PRKD1: variants seen among roughly 807,000 people sequenced by gnomAD.
PRKD1 encodes protein kinase D1, also known as serine/threonine-protein kinase D1.
In PRKD1, 63 loss-of-function variants were observed where a neutral mutation model predicts 95.9. The observed-to-expected ratio is 0.66, with a 90% confidence interval of 0.54 to 0.81. PRKD1 has a LOEUF of 0.81. PRKD1 is among the 30% of genes least tolerant of loss of function. The probability of loss-of-function intolerance (pLI) is 0.00; values close to 1 mark genes in which losing one functional copy is unlikely to be tolerated. For synonymous variants in PRKD1, 425 were observed against 423.1 expected (o/e 1.00, Z -0.05); for missense variants, 1,048 against 1,165.3 (o/e 0.90, Z 1.47).
chr14:29,745,275 CTG>C (rs1410557415), intron 1 of PRKD1, among the ~76,000 whole-genome samples: 2 of 152,152 alleles, frequency 1.3e-5, no homozygotes, highest in Non-Finnish European at 2.9e-5. Flanking sequence ...AAAAAGAATT[CTG>C]TCTCTTAACT....
At chr14:29,895,283 C>T (rs531052609) in intron 1 of PRKD1, among the ~76,000 whole-genome samples, 1 of 152,154 alleles carries the variant, frequency 6.6e-6, no homozygotes, top group Admixed American at 6.5e-5. Flanking sequence ...TGCCACTGCA[C>T]CCCAGCCTGG....
chr14:29,791,447 CACCTCTCATATTCCTCCGT>C (rs1490414739), intron 1 of PRKD1, among the ~76,000 whole-genome samples: 1 of 152,122 alleles, frequency 6.6e-6, no homozygotes, highest in African/African-American at 2.4e-5. Flanking sequence ...ACAAATGCAT[CACCTCTCATATTCCTCCGT>C]ACTCTCTCCC....
chr14:29,770,810 T>C (rs1594502003), intron 1 of PRKD1, among the ~76,000 whole-genome samples: 1 of 148,654 alleles, frequency 6.7e-6, no homozygotes, highest in Non-Finnish European at 1.5e-5. Context: ...CTACAAAATA[T>C]AACAACAACA....
intron 13 of PRKD1, among the ~76,000 whole-genome samples, chr14:29,623,740 T>C (rs1285702035): frequency 6.6e-6 from 1 of 152,172 alleles, no homozygotes; most frequent in Non-Finnish European, 1.5e-5. Flanking sequence ...ATCAACATGA[T>C]CTGCTTCTCA....
rs960269052 is a variant in PRKD1, at chr14:29,577,472, C to G, written c.2521-16G>C. 1 of 1,599,864 alleles carries G rather than the reference C, an allele frequency of 6.3e-7. No homozygotes were observed. Among genetic ancestry groups the G allele is most frequent in the African/African-American group, 1.3e-5 (1 of 74,630 alleles). ...TCTGATAGTCCTGAAGAAGAAATTC[C>G]AAAATATTACCATAGAGATCATTAC... On this transcript the variant is annotated splice_polypyrimidine_tract_variant and intron_variant, in intron 17 of 17. Transcript: ENST00000331968.
chr14:29,854,151 T>C (rs1487653245), intron 1 of PRKD1, among the ~76,000 whole-genome samples: 2 of 152,192 alleles, frequency 1.3e-5, no homozygotes, highest in African/African-American at 4.8e-5. Context: ...GCTGAAAAGA[T>C]ACCCAAAAAT....
At chr14:29,736,015 A>G (rs1468800171) in intron 1 of PRKD1, among the ~76,000 whole-genome samples, 3 of 152,192 alleles carry the variant, frequency 2.0e-5, no homozygotes, top group Admixed American at 6.5e-5. Context: ...CATAAAGGTA[A>G]TCTGCAATAT....
intron 1 of PRKD1, among the ~76,000 whole-genome samples, chr14:29,731,889 T>C (rs1407209042): frequency 6.6e-6 from 1 of 151,890 alleles, no homozygotes; most frequent in African/African-American, 2.4e-5. Context: ...TTTTTTTTTT[T>C]TTGAGACCGA....
chr14:29,733,689 G>A (rs1230307541), intron 1 of PRKD1, among the ~76,000 whole-genome samples: 3 of 152,056 alleles, frequency 2.0e-5, no homozygotes, highest in African/African-American at 7.2e-5. Context: ...TCACTATCAT[G>A]AGAATAGCAT....
chr14:29,598,524 C>T (rs1198959440), intron 15 of PRKD1, among the ~76,000 whole-genome samples: 1 of 152,034 alleles, frequency 6.6e-6, no homozygotes, highest in Non-Finnish European at 1.5e-5. Context: ...ATGTCATCCA[C>T]AATAATCCTC....
Position 29,639,686 on chromosome 14 carries a change from A to T in PRKD1, c.697-782T>A, listed in dbSNP as rs192981968. Among the ~76,000 whole-genome samples, 7 of 152,094 alleles carry T rather than the reference A, an allele frequency of 4.6e-5. No homozygotes were observed. The East Asian group carries it at 1.3e-3, about 29-fold the overall frequency. On this transcript the variant is annotated intron_variant, in intron 4 of 17. Coordinates refer to ENST00000331968, the MANE Select transcript of PRKD1 (RefSeq NM_002742.3). ...AAAGAAAGAAAGAAAAAAATGCCTT[A>T]CAGTTCCTTTGGATTACCTAAAGAA...
At chr14:29,610,366 A>T (rs1222356997) in intron 13 of PRKD1, among the ~76,000 whole-genome samples, 1 of 152,214 alleles carries the variant, frequency 6.6e-6, no homozygotes, top group East Asian at 1.9e-4. Context: ...AAACCTTAAC[A>T]GACCCCCTTA....
intron 1 of PRKD1, among the ~76,000 whole-genome samples, chr14:29,919,550 T>C (rs537560175): frequency 2.0e-5 from 3 of 152,312 alleles, no homozygotes; most frequent in South Asian, 4.1e-4. Context: ...AAATATTTGG[T>C]TGACAGTATT....
At chr14:29,720,875 C>A (rs1461290023) in intron 2 of PRKD1, among the ~76,000 whole-genome samples, 1 of 152,104 alleles carries the variant, frequency 6.6e-6, no homozygotes, top group Admixed American at 6.6e-5. Context: ...ATACTACCTT[C>A]CTGAGAAATT....
intron 1 of PRKD1, among the ~76,000 whole-genome samples, chr14:29,866,506 G>A (rs1892912704): frequency 6.6e-6 from 1 of 152,124 alleles, no homozygotes; most frequent in Admixed American, 6.6e-5. Flanking sequence ...ACACACTCAA[G>A]GTGTTTAAGT....
chr14:29,860,832 GATA>G (rs1372760258), intron 1 of PRKD1, among the ~76,000 whole-genome samples: 9 of 152,066 alleles, frequency 5.9e-5, no homozygotes, highest in Non-Finnish European at 8.8e-5. Flanking sequence ...AAGGGCACTG[GATA>G]ATAAGTTGAC....
chr14:29,707,540 G>C (rs966448300), intron 2 of PRKD1, among the ~76,000 whole-genome samples: 1 of 152,106 alleles, frequency 6.6e-6, no homozygotes, highest in Admixed American at 6.6e-5. Context: ...AATTATATTC[G>C]AGTGGGGAAG....
At chr14:29,818,815 G>A (rs768460298) in intron 1 of PRKD1, among the ~76,000 whole-genome samples, 9 of 151,732 alleles carry the variant, frequency 5.9e-5, no homozygotes, top group Non-Finnish European at 1.3e-4. Flanking sequence ...CTATTTCTAG[G>A]TGAAGTTTCA....
intron 16 of PRKD1, among the ~76,000 whole-genome samples, chr14:29,579,110 T>C (rs974415294): frequency 6.6e-6 from 1 of 151,892 alleles, no homozygotes; most frequent in African/African-American, 2.4e-5. Flanking sequence ...GTGAGTGTAA[T>C]TTATGAAGAA....
Sources: gnomAD v4.1 joint callset for allele counts (sites outside exome capture counted in the v4.1 genomes callset) on GRCh38, gnomAD v4.1.1 for gene constraint, MANE v1.5 for transcripts, NCBI Gene and HGNC (gene_info 2026-07-23, HGNC 2026-07-21) for gene names.